NRG2: variants seen among roughly 807,000 people sequenced by gnomAD.
The protein encoded by NRG2 is neuregulin 2, also known as pro-neuregulin-2, membrane-bound isoform.
A neutral mutation model predicts 73.9 loss-of-function variants in NRG2; 27 were observed. The ratio of observed to expected loss-of-function variants is 0.37; its 90% confidence interval spans 0.27 to 0.50. The LOEUF is 0.50. Ranked by LOEUF, NRG2 falls within the 20% of genes least tolerant of loss-of-function variation. NRG2 has a pLI of 0.96. For missense variants in NRG2, 1,126 were observed against 1,210.1 expected (o/e 0.93, Z 1.03); for synonymous variants, 532 against 541.0 (o/e 0.98, Z 0.23).
At chr5:140,020,610 G>A (rs1381322330) in intron 1 of NRG2, among the ~76,000 whole-genome samples, 1 of 152,228 alleles carries the variant, frequency 6.6e-6, no homozygotes, top group African/African-American at 2.4e-5. Flanking sequence ...TCTGTGCAAT[G>A]AGAAAGAATG....
chr5:139,979,339 ACCTCCCTAGAGCT>A (rs1427492224), intron 1 of NRG2, among the ~76,000 whole-genome samples: 5 of 152,054 alleles, frequency 3.3e-5, no homozygotes, highest in Non-Finnish European at 5.9e-5. Flanking sequence ...AGAGCCCCTC[ACCTCCCTAGAGCT>A]CCTTTTCCTT....
intron 1 of NRG2, among the ~76,000 whole-genome samples, chr5:140,007,870 T>G (rs888196255): frequency 2.0e-5 from 3 of 152,170 alleles, no homozygotes; most frequent in Non-Finnish European, 4.4e-5. Context: ...CCAAACCTTG[T>G]CCCTTAACAG....
chr5:139,886,000 T>G (rs918700102), intron 2 of NRG2, among the ~76,000 whole-genome samples: 2 of 151,858 alleles, frequency 1.3e-5, no homozygotes, highest in African/African-American at 4.8e-5. Context: ...TGGGGTGGTC[T>G]CGGAAGGTGG....
Position 139,856,039 on chromosome 5 carries a change from G to A in NRG2, c.1190-261C>T. ...GTTCCCCTCCCCAAGCCCCATGCCT[G>A]CCCAGAGCACATGAGTGGAAAATGC... is the stretch of plus-strand genomic sequence containing the variant. On this transcript the variant is annotated intron_variant, in intron 5 of 9. Transcript: ENST00000361474. This position sits in a 1 kb window ranked among gnomAD's most constrained non-coding sequence, Gnocchi z 4.2. 2.0e-6 allele frequency: 1 copy of A among 506,450 alleles called. No homozygotes were observed. Among genetic ancestry groups the A allele is most frequent in the Non-Finnish European group, 3.6e-6 (1 of 278,952 alleles). The allele number at this position is 506,450 out of a possible 1,614,324, so 31.4% of individuals were successfully genotyped here. A position where few individuals can be genotyped will look rare whatever the true frequency, so the allele number is the denominator to read the frequency against.
At chr5:139,862,764 G>T (rs969917949) in intron 5 of NRG2, among the ~76,000 whole-genome samples, 3 of 152,268 alleles carry the variant, frequency 2.0e-5, no homozygotes, top group Non-Finnish European at 2.9e-5. Context: ...GCATGTATGA[G>T]CCCATGCTCA....
chr5:139,866,291 A>G (rs900729011), intron 4 of NRG2, among the ~76,000 whole-genome samples: 2 of 152,228 alleles, frequency 1.3e-5, no homozygotes, highest in Non-Finnish European at 2.9e-5. Context: ...AAAGACTATG[A>G]AAGTTTCATA....
At chr5:139,998,548 G>A (rs1196571264) in intron 1 of NRG2, among the ~76,000 whole-genome samples, 5 of 152,094 alleles carry the variant, frequency 3.3e-5, no homozygotes, top group African/African-American at 4.8e-5. Context: ...CCTGCCTCAC[G>A]CCTTCTACTG....
chr5:139,864,402 G>A (rs1032116099), intron 5 of NRG2, among the ~76,000 whole-genome samples: 3 of 54,364 alleles, frequency 5.5e-5, no homozygotes, highest in African/African-American at 2.1e-4. Flanking sequence ...TTTTTTTTTT[G>A]CAAACTGTGC....
chr5:139,927,805 C>T (rs922494379), intron 1 of NRG2, among the ~76,000 whole-genome samples: 4 of 144,764 alleles, frequency 2.8e-5, no homozygotes, highest in Non-Finnish European at 5.9e-5. Context: ...GTAAAGTCTA[C>T]AGGACAAGTT....
chr5:139,902,299 T>C (rs1382794227), intron 1 of NRG2, among the ~76,000 whole-genome samples: 1 of 152,198 alleles, frequency 6.6e-6, no homozygotes, highest in Admixed American at 6.5e-5. Context: ...ACACCTGCAG[T>C]TCAGCCCCAG....
In NRG2 at chr5:139,904,492, T is replaced by G. The variant is rs1228193610; in HGVS notation, c.701-16981A>C. The G allele has an allele frequency of 1.6e-5, 11 of 682,274 alleles. No homozygotes were observed. The highest frequency in any genetic ancestry group is 2.4e-5 in the Non-Finnish European group (10 of 417,184). 42.3% of individuals were successfully genotyped at this position (682,274 alleles called of 1,614,324 possible). A position where few individuals can be genotyped will look rare whatever the true frequency, so the allele number is the denominator to read the frequency against. On this transcript the variant is annotated intron_variant, in intron 1 of 9. Coordinates refer to ENST00000361474, the MANE Select transcript of NRG2 (RefSeq NM_004883.3). The surrounding 1 kb of genome is among the most constrained non-coding windows in gnomAD (Gnocchi z 6.0). ...AGCCTCAGTGCCCGAGCGCGGCGCC[T>G]TTCTTATAGGCGGTCACACCCTCCG... is the stretch of plus-strand genomic sequence containing the variant.
intron 9 of NRG2, among the ~76,000 whole-genome samples, chr5:139,849,047 C>T (rs1761234201): frequency 6.6e-6 from 1 of 152,144 alleles, no homozygotes; most frequent in African/African-American, 2.4e-5. Flanking sequence ...GTCAGGGGGT[C>T]AGGCTCACGC....
At chr5:139,956,691 A>T (rs891331949) in intron 1 of NRG2, among the ~76,000 whole-genome samples, 1 of 152,232 alleles carries the variant, frequency 6.6e-6, no homozygotes, top group Non-Finnish European at 1.5e-5. Context: ...TTAGATGGAA[A>T]GGCTAAATCA....
intron 1 of NRG2, among the ~76,000 whole-genome samples, chr5:140,035,022 G>T (rs368009005): frequency 6.6e-6 from 1 of 152,178 alleles, no homozygotes; most frequent in African/African-American, 2.4e-5. Context: ...AGGAGTTCAA[G>T]ACCAGCCTGA....
chr5:139,972,399 A>G (rs574471524), intron 1 of NRG2, among the ~76,000 whole-genome samples: 3 of 152,360 alleles, frequency 2.0e-5, no homozygotes, highest in African/African-American at 7.2e-5. Flanking sequence ...GATAATGTTT[A>G]CCATATTAAA....
chr5:139,909,017 G>A (rs1225104392), intron 1 of NRG2, among the ~76,000 whole-genome samples: 1 of 152,246 alleles, frequency 6.6e-6, no homozygotes, highest in East Asian at 1.9e-4. Flanking sequence ...ACCACAGGTT[G>A]TGCAATGCCC....
At chr5:139,866,406 G>A (rs937765991) in intron 4 of NRG2, among the ~76,000 whole-genome samples, 3 of 152,184 alleles carry the variant, frequency 2.0e-5, no homozygotes, top group Non-Finnish European at 4.4e-5. Flanking sequence ...GGTAGAACAT[G>A]GTTTGGAATA....
intron 1 of NRG2, among the ~76,000 whole-genome samples, chr5:140,029,687 C>CAAAAAAAAAAAAAAAA (rs34122778): frequency 4.2e-4 from 26 of 61,280 alleles, no homozygotes; most frequent in Admixed American, 5.8e-4. Flanking sequence ...GACTCTGTCT[C>CAAAAAAAAAAAAAAAA]AAAAAAAAAA....
At chr5:139,968,176 C>A (rs1414741880) in intron 1 of NRG2, among the ~76,000 whole-genome samples, 1 of 152,020 alleles carries the variant, frequency 6.6e-6, no homozygotes, top group African/African-American at 2.4e-5. Flanking sequence ...AGTCCCGTCC[C>A]AATGAAATAC....
Sources: gnomAD v4.1 joint callset for allele counts (sites outside exome capture counted in the v4.1 genomes callset) on GRCh38, gnomAD v4.1.1 for gene constraint, Gnocchi (gnomAD v3.1) non-coding constraint, MANE v1.5 for transcripts, NCBI Gene and HGNC (gene_info 2026-07-23, HGNC 2026-07-21) for gene names.